APLP2: variants seen among roughly 807,000 people sequenced by gnomAD.
APLP2 encodes CDEI box-binding protein.
In APLP2, 53 loss-of-function variants were observed where a neutral mutation model predicts 89.9. The ratio of observed to expected loss-of-function variants is 0.59; its 90% CI spans 0.47 to 0.74. APLP2 has a LOEUF of 0.74. Among genes scored for constraint, APLP2 ranks in the 30% least tolerant of loss-of-function variants. APLP2 has a pLI of 0.00. For missense variants in APLP2, 973 were observed against 975.9 expected (o/e 1.00, Z 0.04); for synonymous variants, 372 against 348.6 (o/e 1.07, Z -0.75).
chr11:130,078,621 A>AT (rs1288490622), intron 1 of APLP2, among the ~76,000 whole-genome samples: 1 of 151,978 alleles, frequency 6.6e-6, no homozygotes, highest in South Asian at 2.1e-4. Context: ...TGGAGCTATA[A>AT]TTTATCTGGA....
chr11:130,133,276 C>G (rs764483222), intron 11 of APLP2, among the ~76,000 whole-genome samples: 17 of 152,104 alleles, frequency 1.1e-4, no homozygotes, highest in Admixed American at 2.6e-4. Context: ...GCACACAGTA[C>G]TATGCCTGGC....
intron 1 of APLP2, among the ~76,000 whole-genome samples, chr11:130,091,716 G>A (rs1311524779): frequency 5.0e-5 from 7 of 139,814 alleles, no homozygotes; most frequent in East Asian, 2.3e-4. Flanking sequence ...GGCCGGGCGG[G>A]GGGCTGACCC....
At chr11:130,075,060 C>T (rs1038264972) in intron 1 of APLP2, among the ~76,000 whole-genome samples, 1 of 152,218 alleles carries the variant, frequency 6.6e-6, no homozygotes, top group African/African-American at 2.4e-5. Context: ...CACATTCAAG[C>T]AGAAATGAGT....
intron 1 of APLP2, among the ~76,000 whole-genome samples, 185 bp downstream of exon 1, chr11:130,070,267 G>A (rs1940656500): frequency 6.6e-6 from 1 of 151,096 alleles, no homozygotes; most frequent in African/African-American, 2.4e-5. Context: ...AGCGCTGGAG[G>A]TCGGGCTGCC....
chr11:130,121,303 TATCTA>T, intron 4 of APLP2, among the ~76,000 whole-genome samples: 1 of 152,156 alleles, frequency 6.6e-6, no homozygotes, highest in East Asian at 1.9e-4. Context: ...CAGTGGTGAG[TATCTA>T]TTAACATTGA....
At chr11:130,102,438 C>T (rs1011639984) in intron 1 of APLP2, among the ~76,000 whole-genome samples, 6 of 152,168 alleles carry the variant, frequency 3.9e-5, no homozygotes, top group South Asian at 2.1e-4. Context: ...CTCATAAAGC[C>T]GGATTCCTTT....
chr11:130,070,199 G>A (rs1940623751), intron 1 of APLP2, 117 bp downstream of exon 1: 2 of 457,318 alleles, frequency 4.4e-6, no homozygotes, highest in Non-Finnish European at 6.4e-6. Context: ...CCGGGGGTCC[G>A]GCTCTGCGGC....
intron 3 of APLP2, among the ~76,000 whole-genome samples, chr11:130,114,851 C>T (rs571516724): frequency 1.3e-5 from 2 of 152,296 alleles, no homozygotes; most frequent in South Asian, 2.1e-4. Flanking sequence ...AAACTGGTCT[C>T]GGCAGCTTTG....
intron 10 of APLP2, 82 bp from the exon 11 acceptor site, chr11:130,129,956 G>C: frequency 1.3e-6 from 2 of 1,501,360 alleles, no homozygotes; most frequent in East Asian, 2.3e-5. Flanking sequence ...ACATTCTTAA[G>C]TGAACTTTTT....
intron 1 of APLP2, among the ~76,000 whole-genome samples, chr11:130,081,936 T>C (rs2135416445): frequency 6.6e-6 from 1 of 152,330 alleles, no homozygotes; most frequent in South Asian, 2.1e-4. Flanking sequence ...TGGAAGACTT[T>C]ATGGTAATTG....
chr11:130,089,805 C>T (rs1452954267), intron 1 of APLP2, among the ~76,000 whole-genome samples: 2 of 152,250 alleles, frequency 1.3e-5, no homozygotes, highest in Non-Finnish European at 2.9e-5. Context: ...TCCATCTTCA[C>T]GTGGCGCTCC....
At chr11:130,135,261 A>G (rs534497206) in intron 12 of APLP2, among the ~76,000 whole-genome samples, 61 of 152,338 alleles carry the variant, frequency 4.0e-4, no homozygotes, top group Admixed American at 1.4e-3. Flanking sequence ...AAATCATTTC[A>G]TGGTGTATAT....
intron 13 of APLP2, 122 bp from the exon 14 acceptor site, chr11:130,140,276 G>C (rs2136144058): frequency 1.6e-6 from 1 of 613,168 alleles, no homozygotes; most frequent in South Asian, 2.3e-5. Flanking sequence ...TGGCAGATGA[G>C]TCGCGTGGGG....
At chr11:130,139,240 T>G (rs142671426) in intron 13 of APLP2, 1 of 152,358 alleles carries the variant, frequency 6.6e-6, no homozygotes, top group Admixed American at 6.5e-5. Context: ...TCAGCAGCTG[T>G]GGAAGCTGTT....
Position 130,141,985 on chromosome 11 carries a change from A to T in APLP2, c.2065A>T (p.Ile689Phe), listed in dbSNP as rs1952464621. 6.2e-7 allele frequency: 1 copy of T among 1,614,110 alleles called. No homozygotes were observed. Among genetic ancestry groups the T allele is most frequent in the Non-Finnish European group, 8.5e-7 (1 of 1,180,012 alleles). ...SSSALIGLLV[I>F]AVAIATVIVI... is the part of the protein sequence containing the mutation. The stretch of plus-strand genomic sequence containing the variant: ...CAGTGCTCTCATTGGCCTGCTGGTC[A>T]TCGCAGTGGCCATTGCCACGGTCAT... Residue 689 changes from isoleucine (I) to phenylalanine (F), a missense_variant, in exon 16 of 17, where the codon ATC becomes TTC. Coordinates refer to ENST00000338167, the MANE Select transcript of APLP2 (RefSeq NM_001142276.2). This position sits in a 1 kb window ranked among gnomAD's most constrained non-coding sequence, Gnocchi z 4.2.
intron 1 of APLP2, among the ~76,000 whole-genome samples, chr11:130,088,501 A>G (rs1400925538): frequency 6.6e-6 from 1 of 152,084 alleles, no homozygotes; most frequent in Non-Finnish European, 1.5e-5. Flanking sequence ...GAAGGTTTGT[A>G]GAGCAAGCAA....
chr11:130,134,401 C>G (rs1951303093), intron 12 of APLP2, among the ~76,000 whole-genome samples: 1 of 152,124 alleles, frequency 6.6e-6, no homozygotes, highest in East Asian at 1.9e-4. Flanking sequence ...TACAAAGGCC[C>G]CAGGTGGAAG....
intron 13 of APLP2, among the ~76,000 whole-genome samples, chr11:130,137,610 A>G (rs1332725161): frequency 1.3e-5 from 2 of 152,266 alleles, no homozygotes; most frequent in African/African-American, 4.8e-5. Context: ...TTAGAAGTAT[A>G]TCCAACTTAG....
Position 130,136,797 on chromosome 11 carries a change from T to C in APLP2, c.1837+1082T>C, listed in dbSNP as rs559622599. On this transcript the variant is annotated intron_variant, in intron 13 of 16. Transcript: ENST00000338167. Reference sequence around the variant, plus strand: ...TGGGGTGGTAGATGAAGAGGCACCATGCTATCCCCAAATCTCTGTGGGTTT... The same window carrying C: ...TGGGGTGGTAGATGAAGAGGCACCACGCTATCCCCAAATCTCTGTGGGTTT... Among the ~76,000 whole-genome samples the C allele has an allele frequency of 6.6e-5, 10 of 152,262 alleles. No homozygotes were observed. The East Asian group carries it at 1.7e-3, about 27-fold the overall frequency.
Sources: gnomAD v4.1 joint callset for allele counts (sites outside exome capture counted in the v4.1 genomes callset) on GRCh38, gnomAD v4.1.1 for gene constraint, Gnocchi (gnomAD v3.1) non-coding constraint, MANE v1.5 for transcripts, NCBI Gene and HGNC (gene_info 2026-07-23, HGNC 2026-07-21) for gene names.